Variants in MAGI3 observed in about 807,000 individuals in gnomAD.
MAGI3 encodes the protein membrane-associated guanylate kinase, WW and PDZ domain-containing protein 3.
MAGI3 carries 43 observed loss-of-function variants against 121.8 expected under a neutral mutation model. That is an observed-to-expected ratio of 0.35 (90% CI 0.28 to 0.46). The LOEUF is 0.46. MAGI3 is among the 20% of genes least tolerant of loss of function. The pLI is 1.00. For synonymous variants in MAGI3, 553 were observed against 639.3 expected, an observed-to-expected ratio of 0.86 and a Z score of 2.04; for missense variants, 1,547 against 1,797.3, an observed-to-expected ratio of 0.86 and a Z score of 2.52.
At chr1:113,585,681 C>T in intron 4 of MAGI3, 85 bp downstream of exon 4, 1 of 1,197,186 alleles carries the variant, frequency 8.4e-7, no homozygotes, top group Non-Finnish European at 1.2e-6. Context: ...AAATTTTTTA[C>T]AAAGCATATG....
intron 2 of MAGI3, among the ~76,000 whole-genome samples, chr1:113,579,103 A>G (rs1647849658): frequency 6.6e-6 from 1 of 152,204 alleles, no homozygotes; most frequent in Admixed American, 6.5e-5. Flanking sequence ...TTTGTTTACA[A>G]TTTCACTTAA....
At chr1:113,619,934 T>A in intron 8 of MAGI3, 104 bp downstream of exon 8, 1 of 722,262 alleles carries the variant, frequency 1.4e-6, no homozygotes, top group Non-Finnish European at 2.4e-6. Context: ...GCTTTGACAC[T>A]AAAGAGTGTC....
chr1:113,648,838 A>ACAG (rs1652996697), intron 12 of MAGI3, among the ~76,000 whole-genome samples: 1 of 152,196 alleles, frequency 6.6e-6, no homozygotes, highest in East Asian at 1.9e-4. Flanking sequence ...GGCACTCTAT[A>ACAG]CAGCAGTGCC....
chr1:113,478,139 T>C (rs997946479), intron 1 of MAGI3, among the ~76,000 whole-genome samples: 2 of 152,202 alleles, frequency 1.3e-5, no homozygotes, highest in African/African-American at 4.8e-5. Context: ...TAATCTTTTT[T>C]CAAGGTTTTT....
intron 1 of MAGI3, among the ~76,000 whole-genome samples, chr1:113,535,384 A>G (rs922870441): frequency 1.3e-5 from 2 of 152,180 alleles, no homozygotes; most frequent in Admixed American, 1.3e-4. Flanking sequence ...AGCACATTTT[A>G]GAATATGTTT....
At chr1:113,485,366 T>C (rs1262010745) in intron 1 of MAGI3, among the ~76,000 whole-genome samples, 1 of 152,206 alleles carries the variant, frequency 6.6e-6, no homozygotes, top group Non-Finnish European at 1.5e-5. Context: ...AGGAATGAAG[T>C]GATGTCACGT....
intron 16 of MAGI3, among the ~76,000 whole-genome samples, chr1:113,665,173 T>G (rs943049760): frequency 5.9e-5 from 9 of 152,120 alleles, no homozygotes; most frequent in Admixed American, 5.9e-4. Flanking sequence ...GTATGTAGTT[T>G]TAGGAGGGAT....
chr1:113,674,740 G>A (rs551883783), intron 19 of MAGI3, among the ~76,000 whole-genome samples: 1 of 152,236 alleles, frequency 6.6e-6, no homozygotes, highest in East Asian at 1.9e-4. Context: ...CATATTGAGT[G>A]TTTGCATTAC....
At position 113,590,649 on chromosome 1, in the gene MAGI3, A is replaced by G; in HGVS notation, c.929A>G (p.Tyr310Cys). 2.5e-6 allele frequency: 4 copies of G among 1,612,994 alleles called. No homozygotes were observed. The highest frequency in any genetic ancestry group is 3.4e-6 in the Non-Finnish European group (4 of 1,179,462). Residue 310 changes from tyrosine (Y) to cysteine (C), a missense_variant, in exon 5 of 21, where the codon TAC becomes TGC. Tyr to Cys is a radical substitution (Grantham distance 194). Transcript: ENST00000307546. ...GCCTACACTGACACAGGGATGATCTACTTCATTGAGTAAGCAAATGTCTCT... is the reference window on the plus strand; with the variant it reads ...GCCTACACTGACACAGGGATGATCTGCTTCATTGAGTAAGCAAATGTCTCT... ...EMAYTDTGMIYFIDHNTKTTT... is the reference protein window; with the variant it reads ...EMAYTDTGMICFIDHNTKTTT...
chr1:113,572,678 T>C (rs1647372176), intron 2 of MAGI3, among the ~76,000 whole-genome samples: 2 of 152,164 alleles, frequency 1.3e-5, no homozygotes, highest in Non-Finnish European at 2.9e-5. Context: ...AGTTTATTTG[T>C]ATAGAGGCAT....
chr1:113,619,668 A>G, intron 7 of MAGI3, 68 bp from the exon 8 acceptor site: 1 of 1,063,282 alleles, frequency 9.4e-7, no homozygotes, highest in Non-Finnish European at 1.4e-6. Flanking sequence ...GAATGGTATG[A>G]TAGACTATTT....
At chr1:113,408,541 A>T (rs1006823609) in intron 1 of MAGI3, among the ~76,000 whole-genome samples, 1 of 145,342 alleles carries the variant, frequency 6.9e-6, no homozygotes, top group Admixed American at 6.7e-5. Context: ...TTAAAAGTCA[A>T]ACTAATTGTC....
At chr1:113,467,231 T>A (rs184326742) in intron 1 of MAGI3, among the ~76,000 whole-genome samples, 1 of 152,276 alleles carries the variant, frequency 6.6e-6, no homozygotes, top group East Asian at 1.9e-4. Context: ...ATTGTTTAAT[T>A]TCCATGTGTT....
rs1570974942 is a variant in MAGI3 at position 113,636,163 on chromosome 1, C to A, written c.1361-5748C>A. On this transcript the variant is annotated intron_variant, in intron 9 of 20. Coordinates refer to ENST00000307546, the MANE Select transcript of MAGI3 (RefSeq NM_001142782.2). ...CTAGTGGTCGATCAATTTTGTTGAT[C>A]CTTTCAAAAAACCAGCTCCTGGATT... 2.0e-5 allele frequency among the ~76,000 whole-genome samples: 3 copies of A among 151,906 alleles called. No individual in the cohort carries two copies. The East Asian group carries it at 5.8e-4, about 29-fold the overall frequency.
intron 20 of MAGI3, chr1:113,682,211 G>A: frequency 6.3e-7 from 1 of 1,598,756 alleles, no homozygotes; most frequent in Non-Finnish European, 8.5e-7. Context: ...TCCCTCTTCA[G>A]GTTTGGCTCC....
intron 1 of MAGI3, among the ~76,000 whole-genome samples, chr1:113,542,033 C>T (rs533970960): frequency 1.3e-5 from 2 of 152,286 alleles, no homozygotes; most frequent in South Asian, 2.1e-4. Context: ...GCTACAATGG[C>T]ACTTAGTGAA....
intron 1 of MAGI3, among the ~76,000 whole-genome samples, chr1:113,400,924 T>TA (rs1315769289): frequency 6.6e-6 from 1 of 152,160 alleles, no homozygotes; most frequent in Non-Finnish European, 1.5e-5. Flanking sequence ...TAGACAACCT[T>TA]ACTCTAATAG....
At chr1:113,601,201 A>C (rs1428882872) in intron 6 of MAGI3, among the ~76,000 whole-genome samples, 2 of 152,042 alleles carry the variant, frequency 1.3e-5, no homozygotes, top group East Asian at 3.8e-4. Flanking sequence ...AATGAGCAAT[A>C]AAAGCCAAAA....
chr1:113,651,487 G>GGTTTT (rs1278953591), intron 14 of MAGI3, among the ~76,000 whole-genome samples: 2 of 151,896 alleles, frequency 1.3e-5, no homozygotes, highest in African/African-American at 4.8e-5. Flanking sequence ...ATTTAAATCC[G>GGTTTT]GTTTTGTTTT....
Sources: gnomAD v4.1 joint callset for allele counts (sites outside exome capture counted in the v4.1 genomes callset) on GRCh38, gnomAD v4.1.1 for gene constraint, MANE v1.5 for transcripts, NCBI Gene and HGNC (gene_info 2026-07-23, HGNC 2026-07-21) for gene names.